TWSG1: variants seen among roughly 807,000 people sequenced by gnomAD.
The protein encoded by TWSG1 is twisted gastrulation protein homolog 1.
In TWSG1, 15 loss-of-function variants were observed where a neutral mutation model predicts 23.0. The observed-to-expected ratio is 0.65, with a 90% confidence interval of 0.44 to 1.00. The LOEUF is 1.00. Ranked by LOEUF, TWSG1 falls within the 50% of genes least tolerant of loss-of-function variation. TWSG1 has a pLI of 0.00. For synonymous variants in TWSG1, 86 were observed against 92.8 expected (o/e 0.93, Z 0.42); for missense variants, 242 against 278.7 (o/e 0.87, Z 0.94).
intron 2 of TWSG1, among the ~76,000 whole-genome samples, chr18:9,344,085 G>A (rs901324921): frequency 6.6e-6 from 1 of 152,112 alleles, no homozygotes; most frequent in African/African-American, 2.4e-5. Context: ...AATTTTTTGT[G>A]TGTGGAGACA....
intron 2 of TWSG1, among the ~76,000 whole-genome samples, chr18:9,346,673 A>C (rs1598821261): frequency 6.6e-6 from 1 of 152,172 alleles, no homozygotes; most frequent in East Asian, 1.9e-4. Context: ...CCACAGTAGG[A>C]GGATGGCTGA....
rs2040761690 is a variant in TWSG1 at position 9,401,365 on chromosome 18, T to C, written c.*1838T>C. On this transcript the variant is annotated 3_prime_UTR_variant, in exon 5 of 5. Coordinates refer to ENST00000262120, the MANE Select transcript of TWSG1 (RefSeq NM_020648.6). Reference sequence around the variant, plus strand: ...TCAACTCTGCTGTTTTTCAGTCATTTCCTACTGTGAGTGGAGTGATGTTTG... The same window carrying C: ...TCAACTCTGCTGTTTTTCAGTCATTCCCTACTGTGAGTGGAGTGATGTTTG... 7.3e-6 allele frequency: 1 copy of C among 137,814 alleles called. No individual in the cohort carries two copies. The highest frequency in any genetic ancestry group is 1.6e-5 in the Non-Finnish European group (1 of 62,528). 8.5% of individuals were successfully genotyped at this position (137,814 alleles called of 1,614,324 possible).
intron 3 of TWSG1, among the ~76,000 whole-genome samples, chr18:9,389,253 G>A (rs113210828): frequency 0.041 from 6,193 of 152,152 alleles, 417 homozygotes; most frequent in African/African-American, 0.14. Flanking sequence ...TGAGATTACA[G>A]GTGTGAACCA....
At chr18:9,358,564 C>T (rs111887187) in intron 2 of TWSG1, among the ~76,000 whole-genome samples, 7 of 152,234 alleles carry the variant, frequency 4.6e-5, no homozygotes, top group East Asian at 1.9e-4. Context: ...ATTAGAACGG[C>T]TTTGTTGAAG....
intron 2 of TWSG1, among the ~76,000 whole-genome samples, chr18:9,351,018 A>T (rs1239089124): frequency 6.6e-6 from 1 of 152,162 alleles, no homozygotes; most frequent in South Asian, 2.1e-4. Context: ...TTGATTACTT[A>T]TGCTTACACA....
Position 9,335,205 on chromosome 18 carries a change from GTT to G in TWSG1, c.-38+286_-38+287del, listed in dbSNP as rs569031201. ...CGTCGGCCGAGCCGGGGTGGGGGTG[GTT>G]CCGGGTGCCCGGTCCCCCACACCGC... is the stretch of plus-strand genomic sequence containing the variant. On this transcript the variant is annotated intron_variant, in intron 1 of 4. Coordinates refer to ENST00000262120, the MANE Select transcript of TWSG1 (RefSeq NM_020648.6). 2.4e-3 allele frequency among the ~76,000 whole-genome samples: 365 copies of G among 152,288 alleles called. 3 individuals carry two copies. The highest frequency in any genetic ancestry group is 8.0e-3 in the African/African-American group (334 of 41,578).
chr18:9,396,586 A>G (rs367776857), intron 4 of TWSG1, 40 bp downstream of exon 4: 30 of 1,594,128 alleles, frequency 1.9e-5, no homozygotes, highest in Non-Finnish European at 2.5e-5. Flanking sequence ...CCGCCCCCTC[A>G]TGTGGTCTGT....
chr18:9,391,401 C>T (rs1298070290), intron 3 of TWSG1, among the ~76,000 whole-genome samples: 1 of 152,214 alleles, frequency 6.6e-6, no homozygotes, highest in Non-Finnish European at 1.5e-5. Flanking sequence ...TCCCATGAAT[C>T]ATGAATGCTC....
At position 9,368,649 on chromosome 18, in the gene TWSG1, T is replaced by C. The variant is rs556006541; in HGVS notation, c.223+8578T>C. Among the ~76,000 whole-genome samples, 4 of 151,964 alleles carry C rather than the reference T, an allele frequency of 2.6e-5. No individual in the cohort carries two copies. The South Asian group carries it at 8.3e-4, about 32-fold the overall frequency. On this transcript the variant is annotated intron_variant, in intron 3 of 4. Transcript: ENST00000262120. ...CCAACATAGTAAAACACCATCTCTATTAAAAATACAAAAATTGGCTGGGCA... is the reference window on the plus strand; with the variant it reads ...CCAACATAGTAAAACACCATCTCTACTAAAAATACAAAAATTGGCTGGGCA...
At chr18:9,360,480 TAGAA>T (rs983100893) in intron 3 of TWSG1, among the ~76,000 whole-genome samples, 1 of 152,190 alleles carries the variant, frequency 6.6e-6, no homozygotes, top group African/African-American at 2.4e-5. Context: ...ATTTGTGTGT[TAGAA>T]AGAAAACTTA....
intron 3 of TWSG1, among the ~76,000 whole-genome samples, chr18:9,392,180 G>T (rs1598835697): frequency 1.3e-5 from 2 of 152,316 alleles, no homozygotes; most frequent in South Asian, 4.1e-4. Context: ...CTTCTTTCTA[G>T]CTAGGAAAGT....
At position 9,360,052 on chromosome 18, in the gene TWSG1, C is replaced by A. The variant is rs145134563; in HGVS notation, c.204C>A (p.Asp68Glu). Residue 68 changes from aspartate (D) to glutamate (E), a missense_variant, in exon 3 of 5, where the codon GAC becomes GAA. Physicochemically the swap from Asp to Glu is conservative, Grantham distance 45. Coordinates refer to ENST00000262120, the MANE Select transcript of TWSG1 (RefSeq NM_020648.6). The part of the protein sequence containing the change: ...ECMLCLGALW[D>E]ECCDCVGMCN... Reference sequence around the variant, plus strand: ...TGCTGTGTCTTGGGGCCCTTTGGGACGAGTGCTGTGACTGTGTTGGTAAGT... The same window carrying A: ...TGCTGTGTCTTGGGGCCCTTTGGGAAGAGTGCTGTGACTGTGTTGGTAAGT... 233 of 1,613,012 alleles carry A rather than the reference C, an allele frequency of 1.4e-4. 1 individual carries two copies. Among genetic ancestry groups the A allele is most frequent in the Non-Finnish European group, 2.0e-4 (230 of 1,179,384 alleles).
At chr18:9,359,902 T>A in intron 2 of TWSG1, 70 bp from the exon 3 acceptor site, 1 of 1,257,258 alleles carries the variant, frequency 8.0e-7, no homozygotes, top group South Asian at 1.3e-5. Flanking sequence ...GCAGGGTTTT[T>A]TGCTTAAAAA....
intron 2 of TWSG1, among the ~76,000 whole-genome samples, chr18:9,350,986 A>G (rs1170681820): frequency 6.6e-6 from 1 of 152,154 alleles, no homozygotes; most frequent in Non-Finnish European, 1.5e-5. Context: ...TAGTGTCAGC[A>G]TAGGTATAAT....
At chr18:9,381,220 G>C (rs2040654524) in intron 3 of TWSG1, among the ~76,000 whole-genome samples, 1 of 152,166 alleles carries the variant, frequency 6.6e-6, no homozygotes, top group African/African-American at 2.4e-5. Flanking sequence ...GTAACTGCCA[G>C]CACATTTTGC....
chr18:9,341,476 A>G (rs1421818171), intron 2 of TWSG1, among the ~76,000 whole-genome samples: 1 of 152,136 alleles, frequency 6.6e-6, no homozygotes, highest in East Asian at 1.9e-4. Context: ...TCTAACTCTT[A>G]TATTTTTACT....
chr18:9,361,871 T>C (rs1598826052), intron 3 of TWSG1, among the ~76,000 whole-genome samples: 1 of 152,322 alleles, frequency 6.6e-6, no homozygotes, highest in East Asian at 1.9e-4. Context: ...CCCCACAGAA[T>C]AGGCTTGCCT....
In TWSG1 at chr18:9,339,098, G is replaced by A. The variant is rs139805125; in HGVS notation, c.123+1746G>A. On this transcript the variant is annotated intron_variant, in intron 2 of 4. Coordinates refer to ENST00000262120, the MANE Select transcript of TWSG1 (RefSeq NM_020648.6). ...TGTACACCTGTAGTCTCAGCTACTT[G>A]GGAGGCTGAGGCAGGAGGATCATTT... 5.3e-3 allele frequency among the ~76,000 whole-genome samples: 802 copies of A among 152,106 alleles called. 2 individuals are homozygous for A. The highest frequency in any genetic ancestry group is 0.017 in the South Asian group (84 of 4,816).
chr18:9,373,704 A>G (rs764550713), intron 3 of TWSG1, among the ~76,000 whole-genome samples: 1 of 152,234 alleles, frequency 6.6e-6, no homozygotes, highest in African/African-American at 2.4e-5. Flanking sequence ...AATATAATGG[A>G]TATCTATTGA....
Sources: gnomAD v4.1 joint callset for allele counts (sites outside exome capture counted in the v4.1 genomes callset) on GRCh38, gnomAD v4.1.1 for gene constraint, MANE v1.5 for transcripts, NCBI Gene and HGNC (gene_info 2026-07-23, HGNC 2026-07-21) for gene names.